WDR1: variants seen among roughly 807,000 people sequenced by gnomAD.
WDR1 encodes the protein WD repeat-containing protein 1.
A neutral mutation model predicts 71.9 loss-of-function variants in WDR1; 21 were observed. The observed-to-expected ratio is 0.29, with a 90% CI of 0.21 to 0.42. The LOEUF is 0.42. WDR1 is among the 10% of genes least tolerant of loss of function. The probability of loss-of-function intolerance (pLI) is 1.00; values close to 1 mark genes in which losing one functional copy is unlikely to be tolerated. For missense variants in WDR1, 696 were observed against 824.5 expected, an observed-to-expected ratio of 0.84 and a Z score of 1.91; for synonymous variants, 424 against 347.4, an observed-to-expected ratio of 1.22 and a Z score of -2.45.
At chr4:10,106,932 G>A (rs1354517212) in intron 2 of WDR1, among the ~76,000 whole-genome samples, 3 of 152,212 alleles carry the variant, frequency 2.0e-5, no homozygotes, top group East Asian at 3.9e-4. Context: ...CAGCTGGGTC[G>A]AGATGGCACC....
At chr4:10,090,602 C>A (rs1334944454) in intron 5 of WDR1, among the ~76,000 whole-genome samples, 1 of 152,258 alleles carries the variant, frequency 6.6e-6, no homozygotes, top group Non-Finnish European at 1.5e-5. Context: ...ACAACCCAAA[C>A]TTGCTTGCCT....
At chr4:10,088,497 A>G (rs1237795133) in intron 6 of WDR1, 124 bp from the exon 7 acceptor site, 1 of 1,180,710 alleles carries the variant, frequency 8.5e-7, no homozygotes, top group South Asian at 1.3e-5. Flanking sequence ...TGTGGTTTAA[A>G]AGCAGACATG....
intron 2 of WDR1, among the ~76,000 whole-genome samples, chr4:10,108,039 G>A (rs1447727059): frequency 6.6e-6 from 1 of 152,170 alleles, no homozygotes; most frequent in Non-Finnish European, 1.5e-5. Context: ...CCTGTTGAAT[G>A]GCAAACCTAA....
At chr4:10,100,981 C>T (rs972326546) in intron 3 of WDR1, among the ~76,000 whole-genome samples, 2 of 152,268 alleles carry the variant, frequency 1.3e-5, no homozygotes, top group African/African-American at 4.8e-5. Context: ...GCTCTCAGGA[C>T]AAGGCAGAGG....
At chr4:10,093,119 A>G in intron 5 of WDR1, 2 of 1,289,452 alleles carry the variant, frequency 1.6e-6, no homozygotes, top group South Asian at 1.2e-5. Context: ...AGAGCGACAG[A>G]GCGCTGCAGG....
At chr4:10,082,890 T>C in intron 10 of WDR1, 132 bp downstream of exon 10, 3 of 1,207,298 alleles carry the variant, frequency 2.5e-6, no homozygotes, top group South Asian at 1.6e-5. Context: ...AGGAGAACAA[T>C]GCTGGGGACG....
intron 3 of WDR1, among the ~76,000 whole-genome samples, chr4:10,100,165 T>A (rs1317468073): frequency 6.6e-6 from 1 of 152,196 alleles, no homozygotes; most frequent in East Asian, 1.9e-4. Context: ...TACAGCTGCT[T>A]CCAGTGAAAA....
Position 10,099,017 on chromosome 4 carries a change from C to A in WDR1, c.352G>T (p.Ala118Ser), listed in dbSNP as rs746428341. Reference protein sequence around the residue: ...IAWTEDSKRIAVVGEGREKFG... With the variant: ...IAWTEDSKRISVVGEGREKFG... ...TTCTCCCTTCCTTCCCCGACCACGGCGATCCTCTTACTGTCTTCAGTCCAA... is the reference window on the plus strand; with the variant it reads ...TTCTCCCTTCCTTCCCCGACCACGGAGATCCTCTTACTGTCTTCAGTCCAA... The change falls in exon 4 of 15, where the codon GCC becomes TCC. Residue 118 changes from alanine (A) to serine (S), a missense_variant. Ala to Ser is a moderately conservative substitution (Grantham distance 99). Transcript: ENST00000499869. The A allele has an allele frequency of 6.2e-7, 1 of 1,614,024 alleles. No individual in the cohort carries two copies. The highest frequency in any genetic ancestry group is 8.5e-7 in the Non-Finnish European group (1 of 1,179,884).
At chr4:10,108,025 G>T (rs1713120489) in intron 2 of WDR1, among the ~76,000 whole-genome samples, 1 of 152,168 alleles carries the variant, frequency 6.6e-6, no homozygotes, top group Admixed American at 6.5e-5. Flanking sequence ...CTTTTTCTGA[G>T]AATCCTGTTG....
chr4:10,107,740 C>A (rs555189491), intron 2 of WDR1, among the ~76,000 whole-genome samples: 25 of 152,112 alleles, frequency 1.6e-4, no homozygotes, highest in Non-Finnish European at 3.4e-4. Flanking sequence ...TGGAGGAGTC[C>A]GGGGGCCTCT....
At chr4:10,100,193 C>A (rs1420938589) in intron 3 of WDR1, among the ~76,000 whole-genome samples, 1 of 152,224 alleles carries the variant, frequency 6.6e-6, no homozygotes, top group Non-Finnish European at 1.5e-5. Flanking sequence ...TGTTTTCTTG[C>A]TGCAACTGAG....
At chr4:10,116,340 G>T in intron 1 of WDR1, 106 bp from the exon 2 acceptor site, 1 of 1,490,982 alleles carries the variant, frequency 6.7e-7, no homozygotes, top group East Asian at 2.3e-5. Context: ...CCTGTTGACT[G>T]CGCCGGGAGG....
rs940042193 is a variant in WDR1 at position 10,116,380 on chromosome 4, A to G, written c.17-146T>C. The G allele has an allele frequency of 2.4e-6, 3 of 1,230,066 alleles. No individual in the cohort carries two copies. In the African/African-American group the frequency reaches 4.6e-5, roughly 19 times the overall value. 76.2% of individuals were successfully genotyped at this position (1,230,066 alleles called of 1,614,324 possible). On this transcript the variant is annotated intron_variant, in intron 1 of 14. Coordinates refer to ENST00000499869, the MANE Select transcript of WDR1 (RefSeq NM_017491.5). Reference sequence around the variant, plus strand: ...CCTCCACTTTCCACGAGCGCCAGGAACCGCGCGACTTCCTGGTCCGCGCCC... The same window carrying G: ...CCTCCACTTTCCACGAGCGCCAGGAGCCGCGCGACTTCCTGGTCCGCGCCC...
At chr4:10,095,543 C>G (rs1712288451) in intron 5 of WDR1, among the ~76,000 whole-genome samples, 1 of 152,186 alleles carries the variant, frequency 6.6e-6, no homozygotes. Flanking sequence ...TGGGGTTGGT[C>G]ATGGAGAGCA....
chr4:10,099,162 G>T, intron 3 of WDR1, 23 bp from the exon 4 acceptor site: 6 of 1,404,098 alleles, frequency 4.3e-6, no homozygotes, highest in Non-Finnish European at 6.0e-6. Flanking sequence ...GCGGGCGGGG[G>T]AGGGGGGGAG....
At chr4:10,114,675 C>T (rs776226735) in intron 2 of WDR1, among the ~76,000 whole-genome samples, 1 of 152,214 alleles carries the variant, frequency 6.6e-6, no homozygotes, top group Non-Finnish European at 1.5e-5. Flanking sequence ...TTCTCAAAAG[C>T]CTCAGGACCT....
intron 14 of WDR1, chr4:10,076,387 G>A (rs1055377536): frequency 2.6e-5 from 4 of 152,310 alleles, no homozygotes; most frequent in African/African-American, 9.6e-5. Context: ...CCGATGCTGA[G>A]GTCACTTCAT....
At chr4:10,093,133 C>T (rs1298060187) in intron 5 of WDR1, 1 of 1,289,270 alleles carries the variant, frequency 7.8e-7, no homozygotes, top group Non-Finnish European at 1.0e-6. Context: ...CTGCAGGCCC[C>T]AGCTGGCCTG....
intron 3 of WDR1, 97 bp downstream of exon 3, chr4:10,103,799 T>TCC: frequency 1.2e-5 from 1 of 85,348 alleles, no homozygotes; most frequent in South Asian, 7.2e-5. Context: ...ACCTCCCTCC[T>TCC]CCCACTCTCC....
Sources: allele counts gnomAD v4.1 joint callset (sites outside exome capture counted in the v4.1 genomes callset), GRCh38; gene constraint gnomAD v4.1.1; transcripts MANE v1.5; gene names NCBI Gene and HGNC (gene_info 2026-07-23, HGNC 2026-07-21).